PLK4: variants seen among roughly 807,000 people sequenced by gnomAD.
PLK4 encodes the protein serine/threonine-protein kinase PLK4.
A neutral mutation model predicts 103.0 loss-of-function variants in PLK4; 51 were observed. The observed-to-expected ratio is 0.50, with a 90% CI of 0.40 to 0.63. The LOEUF (loss-of-function observed/expected upper bound fraction) is 0.63. Among genes scored for constraint, PLK4 ranks in the 20% least tolerant of loss-of-function variants. PLK4 has a pLI of 0.00. For synonymous variants in PLK4, 389 were observed against 376.8 expected (o/e 1.03, Z -0.38); for missense variants, 1,054 against 1,151.0 (o/e 0.92, Z 1.22).
chr4:127,889,258 A>G (rs1047630570), intron 6 of PLK4, among the ~76,000 whole-genome samples: 2 of 152,198 alleles, frequency 1.3e-5, no homozygotes, highest in Non-Finnish European at 1.5e-5. Context: ...AGCCTGTAAA[A>G]GATACTGTTC....
At chr4:127,884,209 G>A (rs1735033334) in intron 4 of PLK4, among the ~76,000 whole-genome samples, 1 of 152,138 alleles carries the variant, frequency 6.6e-6, no homozygotes, top group South Asian at 2.1e-4. Context: ...GTTCAAAGCA[G>A]AACCAAATAA....
At position 127,886,216 on chromosome 4, in the gene PLK4, A is replaced by C; in HGVS notation, c.846A>C (p.Ser282=). Residue 282 remains serine (S), a synonymous_variant, in exon 5 of 16, where the codon TCA becomes TCC. Coordinates refer to ENST00000270861, the MANE Select transcript of PLK4 (RefSeq NM_014264.5). Reference sequence around the variant, plus strand: ...AAGATTTAGGAACTGTGGAAGACTCAATTGATAGTGGGCATGCCACAATTT... The same window carrying C: ...AAGATTTAGGAACTGTGGAAGACTCCATTGATAGTGGGCATGCCACAATTT... ...KSKDLGTVED[S]IDSGHATIST... 6.2e-7 allele frequency: 1 copy of C among 1,614,062 alleles called. No homozygotes were observed. Among genetic ancestry groups the C allele is most frequent in the East Asian group, 2.2e-5 (1 of 44,888 alleles).
rs150576803 is a variant in PLK4 at position 127,892,792 on chromosome 4, G to A, written c.2188+278G>A. 2.7e-3 allele frequency: 692 copies of A among 256,772 alleles called. 9 individuals are homozygous for A. The highest frequency in any genetic ancestry group is 0.015 in the African/African-American group (651 of 44,146). The allele number at this position is 256,772 out of a possible 1,614,324, so 15.9% of individuals were successfully genotyped here. A position where few individuals can be genotyped will look rare whatever the true frequency, so the allele number is the denominator to read the frequency against. On this transcript the variant is annotated intron_variant, in intron 10 of 15. Coordinates refer to ENST00000270861, the MANE Select transcript of PLK4 (RefSeq NM_014264.5). ...TAGGCTGATGGTATAAAAATCACATGAAATGCGCAATGTCCTATTTCTTAT... is the reference window on the plus strand; with the variant it reads ...TAGGCTGATGGTATAAAAATCACATAAAATGCGCAATGTCCTATTTCTTAT...
At chr4:127,895,935 T>C (rs917744491) in intron 14 of PLK4, among the ~76,000 whole-genome samples, 112 of 152,308 alleles carry the variant, frequency 7.4e-4, no homozygotes, top group Non-Finnish European at 1.3e-3. Flanking sequence ...TTCAAACTTA[T>C]AGAATTTTAT....
At chr4:127,889,372 A>G (rs907200290) in intron 6 of PLK4, among the ~76,000 whole-genome samples, 2 of 152,192 alleles carry the variant, frequency 1.3e-5, no homozygotes, top group Non-Finnish European at 2.9e-5. Context: ...TATTAATGTT[A>G]AAGCTGTTCA....
chr4:127,895,125 A>C, intron 14 of PLK4, 32 bp downstream of exon 14: 2 of 1,449,928 alleles, frequency 1.4e-6, no homozygotes, highest in Middle Eastern at 2.1e-4. Flanking sequence ...GCATTTTCTC[A>C]GTATGAATTT....
At chr4:127,886,831 TA>T (rs961562750) in intron 5 of PLK4, 103 bp downstream of exon 5, 6,289 of 479,346 alleles carry the variant, frequency 0.013, no homozygotes, top group Middle Eastern at 0.022. Context: ...AATGAATGTC[TA>T]AAAAAAAAAA....
intron 5 of PLK4, 140 bp from the exon 6 acceptor site, chr4:127,887,256 A>G: frequency 1.7e-6 from 1 of 590,628 alleles, no homozygotes; most frequent in South Asian, 2.3e-5. Flanking sequence ...TAGCATAGTT[A>G]TGCCAATATT....
At position 127,881,190 on chromosome 4, in the gene PLK4, G is replaced by A. The variant is rs149430040; in HGVS notation, c.30+26G>A. ...GTGAAAAGACTCGGCAGTCTGCAGC[G>A]GGGCGGGTGGGAGTAATTGTGGGAG... is the stretch of plus-strand genomic sequence containing the variant. On this transcript the variant is annotated intron_variant, in intron 1 of 15. Transcript: ENST00000270861. The A allele has an allele frequency of 5.5e-4, 888 of 1,613,804 alleles. 4 individuals carry two copies. The African/African-American group carries it at 0.011, about 19-fold the overall frequency.
chr4:127,886,338 CTG>C lies in PLK4; in HGVS notation c.970_971del (p.Val324IlefsTer5). 3.1e-6 allele frequency: 5 copies of C among 1,613,602 alleles called. No individual in the cohort carries two copies. Among genetic ancestry groups the C allele is most frequent in the Non-Finnish European group, 3.4e-6 (4 of 1,179,882 alleles). Reference sequence around the variant, plus strand: ...GGTCAGCCACTCCCAAATAAAATGACTGTATTTCCAAAGAATAAAAGTTCAAC... The same window carrying C: ...GGTCAGCCACTCCCAAATAAAATGACTATTTCCAAAGAATAAAAGTTCAAC... On this transcript the variant is annotated frameshift_variant, in exon 5 of 16. Transcript: ENST00000270861. LOFTEE classifies it high-confidence loss of function.
rs565754433 is a variant in PLK4 at position 127,895,637 on chromosome 4, G to A, written c.2703+544G>A. Among the ~76,000 whole-genome samples the A allele has an allele frequency of 4.1e-4, 62 of 151,688 alleles. No homozygotes were observed. The South Asian group carries it at 0.013, about 31-fold the overall frequency. On this transcript the variant is annotated intron_variant, in intron 14 of 15. Transcript: ENST00000270861. The stretch of plus-strand genomic sequence containing the variant: ...GGGGTTTCACCATGTTAGCCAGGAT[G>A]GTCTCAATCCCCTGACCTTGTGATC...
rs1406346525 is a variant in PLK4 at position 127,883,258 on chromosome 4, T to C, written c.127-4T>C. On this transcript the variant is annotated splice_region_variant and splice_polypyrimidine_tract_variant and intron_variant, in intron 2 of 15. Coordinates refer to ENST00000270861, the MANE Select transcript of PLK4 (RefSeq NM_014264.5). ...CTGTCAACATTTAAACCTGTTATTT[T>C]TAGATAGATAAGAAAGCCATGTACA... The C allele has an allele frequency of 6.8e-7, 1 of 1,471,918 alleles. No individual in the cohort carries two copies. Among genetic ancestry groups the C allele is most frequent in the Non-Finnish European group, 9.4e-7 (1 of 1,064,942 alleles). 91.2% of individuals were successfully genotyped at this position (1,471,918 alleles called of 1,614,324 possible). A position where few individuals can be genotyped will look rare whatever the true frequency, so the allele number is the denominator to read the frequency against.
Position 127,881,900 on chromosome 4 carries a change from A to G in PLK4, c.100A>G (p.Thr34Ala), listed in dbSNP as rs771662526. The change falls in exon 2 of 16, where the codon ACT becomes GCT. Residue 34 changes from threonine to alanine, a missense_variant. By Grantham distance (58) the Thr-to-Ala change is moderately conservative. Transcript: ENST00000270861. ...TGTCTACAGAGCTGAGTCCATTCAC[A>G]CTGGTTTGGAAGTTGCAATCAAAAT... ...AGVYRAESIH[T>A]GLEVAIKMID... is the part of the protein sequence containing the mutation. The G allele has an allele frequency of 6.2e-6, 10 of 1,601,942 alleles. No individual in the cohort carries two copies. Among genetic ancestry groups the G allele is most frequent in the Non-Finnish European group, 8.6e-6 (10 of 1,168,904 alleles).
intron 1 of PLK4, chr4:127,881,497 C>G (rs900763920): frequency 1.1e-6 from 1 of 930,192 alleles, no homozygotes; most frequent in Non-Finnish European, 1.5e-6. Context: ...GCGGTTATCT[C>G]CGGCGGGAGC....
chr4:127,880,938 T>A lies in PLK4; in HGVS notation c.-197T>A. 1.7e-6 allele frequency: 1 copy of A among 601,702 alleles called. No homozygotes were observed. The highest frequency in any genetic ancestry group is 2.0e-5 in the South Asian group (1 of 50,000). The allele number at this position is 601,702 out of a possible 1,614,324, so 37.3% of individuals were successfully genotyped here. A position where few individuals can be genotyped will look rare whatever the true frequency, so the allele number is the denominator to read the frequency against. Reference sequence around the variant, plus strand: ...GGCAAGCGGCGGGAGATTTTCAAAATGGGAGCCCAGAGGCACCGCCCAGGC... The same window carrying A: ...GGCAAGCGGCGGGAGATTTTCAAAAAGGGAGCCCAGAGGCACCGCCCAGGC... On this transcript the variant is annotated 5_prime_UTR_variant, in exon 1 of 16. The change abolishes an upstream ATG in the 5' untranslated region. Coordinates refer to ENST00000270861, the MANE Select transcript of PLK4 (RefSeq NM_014264.5).
intron 6 of PLK4, 99 bp from the exon 7 acceptor site, chr4:127,889,767 T>A (rs765986811): frequency 2.3e-6 from 2 of 860,212 alleles, no homozygotes; most frequent in Non-Finnish European, 3.5e-6. Flanking sequence ...CTAGAATTCT[T>A]TTGTTCAAAA....
chr4:127,892,684 TTATC>T (rs1482245347), intron 10 of PLK4, 170 bp downstream of exon 10: 27 of 508,830 alleles, frequency 5.3e-5, no homozygotes, highest in African/African-American at 1.8e-4. Context: ...TAATCAAAAT[TTATC>T]TAGCCTTCCT....
rs768228602 is a variant in PLK4, at chr4:127,893,519, C to T, written c.2329C>T (p.Arg777Cys). 6.2e-6 allele frequency: 10 copies of T among 1,609,750 alleles called. No individual in the cohort carries two copies. The highest frequency in any genetic ancestry group is 2.2e-5 in the East Asian group (1 of 44,784). ...CACTCTTCTTTTGAAATAGGGTCAT[C>T]GTATTTGTTTAGCACTGGAATCCAT... Reference protein sequence around the residue: ...MYMDHANEGHRICLALESIIS... With the variant: ...MYMDHANEGHCICLALESIIS... Residue 777 changes from arginine to cysteine, a missense_variant, in exon 12 of 16, where the codon CGT becomes TGT. Arg to Cys is a radical substitution (Grantham distance 180). Transcript: ENST00000270861.
chr4:127,887,275 T>C (rs1735172090), intron 5 of PLK4, 121 bp from the exon 6 acceptor site: 1 of 628,166 alleles, frequency 1.6e-6, no homozygotes, highest in African/African-American at 1.9e-5. Context: ...TTGTTTTCTA[T>C]AGTTATTCTA....
Sources: gnomAD v4.1 joint callset for allele counts (sites outside exome capture counted in the v4.1 genomes callset) on GRCh38, gnomAD v4.1.1 for gene constraint, MANE v1.5 for transcripts, NCBI Gene and HGNC (gene_info 2026-07-23, HGNC 2026-07-21) for gene names.